The following EPHA5 variants were observed in gnomAD, a reference collection of about 807,000 sequenced individuals.
EPHA5 encodes the protein EPH receptor A5, also known as ephrin type-A receptor 5.
A neutral mutation model predicts 105.0 loss-of-function variants in EPHA5; 60 were observed. That is an observed-to-expected ratio of 0.57 (90% CI 0.46 to 0.71). The LOEUF (loss-of-function observed/expected upper bound fraction) is 0.71. Among genes scored for constraint, EPHA5 ranks in the 30% least tolerant of loss-of-function variants. The pLI is 0.00. For synonymous variants in EPHA5, 513 were observed against 449.1 expected (o/e 1.14, Z -1.80); for missense variants, 1,218 against 1,274.7 (o/e 0.96, Z 0.68).
At chr4:65,502,086 T>C (rs1732545376) in intron 3 of EPHA5, among the ~76,000 whole-genome samples, 1 of 151,780 alleles carries the variant, frequency 6.6e-6, no homozygotes, top group Admixed American at 6.6e-5. Flanking sequence ...CATTTTACTA[T>C]GTACAAAAAT....
chr4:65,329,382 T>C (rs546829814), intron 16 of EPHA5, among the ~76,000 whole-genome samples: 1 of 151,536 alleles, frequency 6.6e-6, no homozygotes, highest in African/African-American at 2.4e-5. Flanking sequence ...CTGGCAACAA[T>C]CCATATACAA....
intron 8 of EPHA5, among the ~76,000 whole-genome samples, chr4:65,396,691 T>G (rs1410098167): frequency 6.6e-6 from 1 of 152,114 alleles, no homozygotes; most frequent in Non-Finnish European, 1.5e-5. Context: ...AGGGATTAGA[T>G]GAAAATCCCA....
intron 5 of EPHA5, among the ~76,000 whole-genome samples, chr4:65,460,760 A>G (rs1728047363): frequency 6.6e-6 from 1 of 151,766 alleles, no homozygotes; most frequent in African/African-American, 2.4e-5. Context: ...TCTCTCATTG[A>G]AACTGTAATG....
intron 16 of EPHA5, among the ~76,000 whole-genome samples, chr4:65,328,148 T>G (rs2148788410): frequency 6.6e-6 from 1 of 151,282 alleles, no homozygotes; most frequent in Middle Eastern, 3.5e-3. Flanking sequence ...GAAGGTCAAT[T>G]CTAGTGATAA....
chr4:65,669,510 C>G, intron 1 of EPHA5, 52 bp downstream of exon 1: 1 of 1,315,782 alleles, frequency 7.6e-7, no homozygotes, highest in Non-Finnish European at 9.7e-7. Flanking sequence ...TCCCAGGCCC[C>G]GCCTAGCCCC....
chr4:65,481,062 T>C (rs569559837), intron 5 of EPHA5, among the ~76,000 whole-genome samples: 1 of 152,206 alleles, frequency 6.6e-6, no homozygotes, highest in Admixed American at 6.5e-5. Context: ...TCACCTCAAA[T>C]CATATTGAAG....
At chr4:65,557,824 A>T (rs759051844) in intron 3 of EPHA5, among the ~76,000 whole-genome samples, 4 of 152,262 alleles carry the variant, frequency 2.6e-5, no homozygotes, top group Non-Finnish European at 5.9e-5. Context: ...AACAATAGCA[A>T]TGTTCCCAAC....
chr4:65,355,656 T>C (rs1228974050), intron 11 of EPHA5, among the ~76,000 whole-genome samples: 1 of 151,596 alleles, frequency 6.6e-6, no homozygotes, highest in African/African-American at 2.4e-5. Flanking sequence ...TCAGAATTTA[T>C]ACCAGCGATA....
intron 14 of EPHA5, among the ~76,000 whole-genome samples, chr4:65,345,855 C>A (rs1722168816): frequency 6.6e-6 from 1 of 152,046 alleles, no homozygotes; most frequent in African/African-American, 2.4e-5. Flanking sequence ...TCACTGCAAG[C>A]TCTGCCTCCC....
At chr4:65,339,597 T>C (rs1721511942) in intron 14 of EPHA5, among the ~76,000 whole-genome samples, 6 of 152,132 alleles carry the variant, frequency 3.9e-5, no homozygotes, top group Admixed American at 3.9e-4. Flanking sequence ...AACACCTCTA[T>C]TATTAAACAC....
intron 5 of EPHA5, among the ~76,000 whole-genome samples, chr4:65,466,305 A>C (rs2149145416): frequency 6.6e-6 from 1 of 152,322 alleles, no homozygotes; most frequent in East Asian, 1.9e-4. Flanking sequence ...CTGAGACTGA[A>C]ACAGTCCTGG....
rs1262084729 is a variant in EPHA5, at chr4:65,365,165, T to C, written c.2025A>G (p.Leu675=). The C allele has an allele frequency of 1.9e-6, 3 of 1,611,246 alleles. No homozygotes were observed. Among genetic ancestry groups the C allele is most frequent in the South Asian group, 2.2e-5 (2 of 90,978 alleles). The change falls in exon 11 of 17, where the codon CTA becomes CTG. Residue 675 remains leucine (L), a synonymous_variant. Coordinates refer to ENST00000613740, the MANE Select transcript of EPHA5 (RefSeq NM_001281766.3). ...FGEVCSGRLK[L]PGKRELPVAI... is the part of the protein sequence containing the mutation. ...CCACAGGTAATTCTCTTTTTCCTGG[T>C]AGTTTCAAACGTCCACTACAAACTT... is the stretch of plus-strand genomic sequence containing the variant.
At chr4:65,620,130 T>TATA (rs1389832477) in intron 2 of EPHA5, among the ~76,000 whole-genome samples, 2 of 103,862 alleles carry the variant, frequency 1.9e-5, no homozygotes, top group African/African-American at 3.5e-5. Flanking sequence ...ATATATATAT[T>TATA]AAATATATGA....
chr4:65,437,179 G>A (rs760343030), intron 5 of EPHA5, among the ~76,000 whole-genome samples: 2 of 151,856 alleles, frequency 1.3e-5, no homozygotes, highest in African/African-American at 2.4e-5. Flanking sequence ...CTTTACCTAC[G>A]TGTAACAAAG....
chr4:65,382,318 C>G (rs564901763), intron 8 of EPHA5, among the ~76,000 whole-genome samples: 1 of 151,074 alleles, frequency 6.6e-6, no homozygotes, highest in South Asian at 2.1e-4. Flanking sequence ...TCAATAATGA[C>G]TCTCTGTTTT....
chr4:65,464,462 T>C (rs1017262796), intron 5 of EPHA5, among the ~76,000 whole-genome samples: 1 of 152,120 alleles, frequency 6.6e-6, no homozygotes, highest in African/African-American at 2.4e-5. Flanking sequence ...TCTAAATAGA[T>C]AATAATTTAC....
chr4:65,461,610 G>T (rs892361506), intron 5 of EPHA5, among the ~76,000 whole-genome samples: 1 of 151,900 alleles, frequency 6.6e-6, no homozygotes, highest in East Asian at 1.9e-4. Flanking sequence ...AATGGAGGAC[G>T]TAGAAAAAGA....
At chr4:65,507,403 G>C (rs993225379) in intron 3 of EPHA5, among the ~76,000 whole-genome samples, 5 of 152,124 alleles carry the variant, frequency 3.3e-5, no homozygotes, top group African/African-American at 1.2e-4. Flanking sequence ...ATTCTGTGAA[G>C]AAAGCCATTG....
intron 1 of EPHA5, among the ~76,000 whole-genome samples, chr4:65,656,175 C>CTAAA (rs1052033852): frequency 2.1e-5 from 3 of 142,842 alleles, no homozygotes; most frequent in African/African-American, 7.6e-5. Flanking sequence ...CCACTGCTAG[C>CTAAA]TTTATGTCTA....
Sources: gnomAD v4.1 joint callset for allele counts (sites outside exome capture counted in the v4.1 genomes callset) on GRCh38, gnomAD v4.1.1 for gene constraint, MANE v1.5 for transcripts, NCBI Gene and HGNC (gene_info 2026-07-23, HGNC 2026-07-21) for gene names.